The following GRIK1 variants were observed in gnomAD, a reference collection of about 807,000 sequenced individuals.
The protein encoded by GRIK1 is glutamate ionotropic receptor kainate type subunit 1.
GRIK1 carries 69 observed loss-of-function variants against 105.7 expected under a neutral mutation model. The observed-to-expected ratio is 0.65, with a 90% CI of 0.54 to 0.80. The LOEUF is 0.80. Ranked by LOEUF, GRIK1 falls within the 30% of genes least tolerant of loss-of-function variation. The pLI is 0.00. For synonymous variants in GRIK1, 438 were observed against 431.3 expected (o/e 1.02, Z -0.19); for missense variants, 1,109 against 1,167.3 (o/e 0.95, Z 0.73).
chr21:29,608,112 C>T (rs2300308), intron 7 of GRIK1, among the ~76,000 whole-genome samples: 9,975 of 151,990 alleles, frequency 0.066, 639 homozygotes, highest in East Asian at 0.16. Context: ...TGTCTATATA[C>T]GTCTTATTAT....
chr21:29,670,112 A>G (rs2063135350), intron 4 of GRIK1, among the ~76,000 whole-genome samples: 1 of 152,204 alleles, frequency 6.6e-6, no homozygotes, highest in Admixed American at 6.5e-5. Flanking sequence ...ATACGGTAGG[A>G]ATTTCATGAT....
At chr21:29,793,322 T>C (rs1250174466) in intron 1 of GRIK1, among the ~76,000 whole-genome samples, 1 of 152,162 alleles carries the variant, frequency 6.6e-6, no homozygotes, top group African/African-American at 2.4e-5. Flanking sequence ...CCCCGTGCAT[T>C]AATCTCTCAC....
At chr21:29,770,606 T>C (rs1470572997) in intron 1 of GRIK1, among the ~76,000 whole-genome samples, 1 of 152,234 alleles carries the variant, frequency 6.6e-6, no homozygotes, top group African/African-American at 2.4e-5. Context: ...AGGATTTTGA[T>C]AAATGTATTA....
At chr21:29,620,109 T>G (rs940006009) in intron 7 of GRIK1, among the ~76,000 whole-genome samples, 14 of 152,210 alleles carry the variant, frequency 9.2e-5, no homozygotes, top group Non-Finnish European at 1.8e-4. Flanking sequence ...TGTATAAGGC[T>G]AGTATAAAGC....
chr21:29,568,997 G>C (rs904622087), intron 14 of GRIK1, among the ~76,000 whole-genome samples: 2 of 152,192 alleles, frequency 1.3e-5, no homozygotes, highest in Non-Finnish European at 2.9e-5. Context: ...TCTGGTAAGT[G>C]CTTCGGCATA....
intron 1 of GRIK1, among the ~76,000 whole-genome samples, chr21:29,855,214 C>A (rs571139253): frequency 2.0e-5 from 3 of 152,084 alleles, no homozygotes; most frequent in Non-Finnish European, 4.4e-5. Context: ...AAAGCTAATT[C>A]CTAGCCCATT....
At chr21:29,692,425 A>G (rs1375838962) in intron 2 of GRIK1, among the ~76,000 whole-genome samples, 4 of 151,384 alleles carry the variant, frequency 2.6e-5, no homozygotes, top group Admixed American at 2.6e-4. Flanking sequence ...TAGCTTGGAA[A>G]CTTTAAAATG....
At chr21:29,917,139 C>A (rs2071026305) in intron 1 of GRIK1, among the ~76,000 whole-genome samples, 1 of 152,016 alleles carries the variant, frequency 6.6e-6, no homozygotes, top group African/African-American at 2.4e-5. Context: ...CACCTAAATA[C>A]TTTCCAAATG....
At chr21:29,862,614 A>T (rs1350477224) in intron 1 of GRIK1, among the ~76,000 whole-genome samples, 10 of 152,124 alleles carry the variant, frequency 6.6e-5, no homozygotes, top group Non-Finnish European at 1.5e-4. Flanking sequence ...AACCTTCCTC[A>T]TTTATCATGA....
At chr21:29,776,074 A>G (rs918719080) in intron 1 of GRIK1, among the ~76,000 whole-genome samples, 2 of 152,166 alleles carry the variant, frequency 1.3e-5, no homozygotes, top group Non-Finnish European at 2.9e-5. Flanking sequence ...GGAACTACCA[A>G]ACACTTTTAA....
intron 3 of GRIK1, among the ~76,000 whole-genome samples, chr21:29,677,048 A>C (rs2300313): frequency 0.021 from 3,259 of 152,314 alleles, 54 homozygotes; most frequent in East Asian, 0.086. Flanking sequence ...ATGCTAATGT[A>C]CTTATGGGGA....
At chr21:29,667,439 A>G (rs1309576416) in intron 4 of GRIK1, among the ~76,000 whole-genome samples, 1 of 152,132 alleles carries the variant, frequency 6.6e-6, no homozygotes, top group Non-Finnish European at 1.5e-5. Flanking sequence ...GTTAATTGAA[A>G]GAGATTTAAA....
intron 1 of GRIK1, among the ~76,000 whole-genome samples, chr21:29,872,544 G>A (rs1451153010): frequency 6.6e-6 from 1 of 152,112 alleles, no homozygotes; most frequent in Non-Finnish European, 1.5e-5. Context: ...CAGAAACACT[G>A]AGGAAGAATA....
chr21:29,794,018 A>G (rs1217799094), intron 1 of GRIK1, among the ~76,000 whole-genome samples: 1 of 152,172 alleles, frequency 6.6e-6, no homozygotes, highest in Non-Finnish European at 1.5e-5. Flanking sequence ...ATTTATGTAC[A>G]AAATGTTTTA....
intron 1 of GRIK1, among the ~76,000 whole-genome samples, chr21:29,902,771 G>GA (rs2070457668): frequency 6.6e-6 from 1 of 151,054 alleles, no homozygotes; most frequent in Non-Finnish European, 1.5e-5. Flanking sequence ...ACTGGAAATG[G>GA]AAAAAACTAC....
chr21:29,658,420 G>T (rs953218335), intron 4 of GRIK1, among the ~76,000 whole-genome samples: 1 of 152,092 alleles, frequency 6.6e-6, no homozygotes, highest in African/African-American at 2.4e-5. Context: ...GTACCGCCAT[G>T]CCTGGCTAAT....
chr21:29,763,800 C>A (rs1211727824), intron 1 of GRIK1: 1 of 152,170 alleles, frequency 6.6e-6, no homozygotes, highest in African/African-American at 2.4e-5. Flanking sequence ...GGAAATATAA[C>A]ACGTAATCTT....
chr21:29,598,786 A>T (rs776302126), intron 8 of GRIK1, 44 bp downstream of exon 8: 1 of 879,384 alleles, frequency 1.1e-6, no homozygotes, highest in Non-Finnish European at 1.8e-6. Flanking sequence ...ATGCCTGAAC[A>T]ATGTTCATTT....
chr21:29,668,721 A>G (rs895355089), intron 4 of GRIK1, among the ~76,000 whole-genome samples: 2 of 152,228 alleles, frequency 1.3e-5, no homozygotes, highest in Admixed American at 6.5e-5. Flanking sequence ...AGAATTCCAT[A>G]GGTAGAGCTT....
Sources: allele counts gnomAD v4.1 joint callset (sites outside exome capture counted in the v4.1 genomes callset), GRCh38; gene constraint gnomAD v4.1.1; transcripts MANE v1.5; gene names NCBI Gene and HGNC (gene_info 2026-07-23, HGNC 2026-07-21).